Variants in TGFBR3 observed in about 807,000 individuals in gnomAD.
The protein encoded by TGFBR3 is transforming growth factor beta receptor 3.
In TGFBR3, 46 loss-of-function variants were observed where a neutral mutation model predicts 87.9. The observed-to-expected ratio is 0.52, with a 90% CI of 0.41 to 0.67. The LOEUF is 0.67. Among genes scored for constraint, TGFBR3 ranks in the 30% least tolerant of loss-of-function variants. TGFBR3 has a pLI of 0.00. For synonymous variants in TGFBR3, 381 were observed against 391.6 expected (o/e 0.97, Z 0.32); for missense variants, 866 against 1,041.9 (o/e 0.83, Z 2.32).
intron 12 of TGFBR3, among the ~76,000 whole-genome samples, chr1:91,713,981 G>C (rs1199408237): frequency 2.7e-5 from 4 of 150,744 alleles, no homozygotes; most frequent in Non-Finnish European, 5.9e-5. Flanking sequence ...TTGTAGCAGA[G>C]GGAAAAAATA....
At position 91,882,287 on chromosome 1, in the gene TGFBR3, C is replaced by T. The variant is rs1340654976; in HGVS notation, c.-114+3591G>A. On this transcript the variant is annotated intron_variant, in intron 1 of 16. Transcript: ENST00000212355. ...GAGTAGCTGTGATTACAGGTGTGCACCACCACGCTCAGCAAATTGTTGTAT... is the reference window on the plus strand; with the variant it reads ...GAGTAGCTGTGATTACAGGTGTGCATCACCACGCTCAGCAAATTGTTGTAT... Among the ~76,000 whole-genome samples the T allele has an allele frequency of 4.0e-5, 6 of 151,520 alleles. No individual in the cohort carries two copies. The South Asian group carries it at 6.3e-4, about 16-fold the overall frequency.
At chr1:91,821,720 A>G (rs1392614622) in intron 2 of TGFBR3, among the ~76,000 whole-genome samples, 3 of 152,188 alleles carry the variant, frequency 2.0e-5, no homozygotes, top group Non-Finnish European at 4.4e-5. Flanking sequence ...AGGATGCTGT[A>G]GAGAAAAGAC....
chr1:91,831,113 ACCATGCC>A (rs1384546934), intron 2 of TGFBR3, among the ~76,000 whole-genome samples: 14 of 152,196 alleles, frequency 9.2e-5, no homozygotes, highest in Non-Finnish European at 1.3e-4. Flanking sequence ...CACAACCTGC[ACCATGCC>A]CACCTGCCTG....
rs757760206 is a variant in TGFBR3 at position 91,683,697 on chromosome 1, AGCTGG to A, written c.*37_*41del. 4 of 1,478,468 alleles carry A rather than the reference AGCTGG, an allele frequency of 2.7e-6. No individual in the cohort carries two copies. The African/African-American group carries it at 4.2e-5, about 16-fold the overall frequency. 91.6% of individuals were successfully genotyped at this position (1,478,468 alleles called of 1,614,324 possible). A position where few individuals can be genotyped will look rare whatever the true frequency, so the allele number is the denominator to read the frequency against. On this transcript the variant is annotated 3_prime_UTR_variant, in exon 17 of 17. Coordinates refer to ENST00000212355, the MANE Select transcript of TGFBR3 (RefSeq NM_003243.5). Reference sequence around the variant, plus strand: ...CCTGCCCTTGGCAGTAGCTGAGCTGAGCTGGGCTGGGCTGGGTTGGGCCGGGTTGG... The same window carrying A: ...CCTGCCCTTGGCAGTAGCTGAGCTGAGCTGGGCTGGGTTGGGCCGGGTTGG...
intron 4 of TGFBR3, among the ~76,000 whole-genome samples, chr1:91,741,370 C>T (rs1673153828): frequency 1.3e-5 from 2 of 152,242 alleles, no homozygotes; most frequent in South Asian, 4.2e-4. Flanking sequence ...CTTCTGTGCC[C>T]TCTCGGAGAG....
intron 15 of TGFBR3, 126 bp downstream of exon 15, chr1:91,697,963 G>C (rs573206415): frequency 1.2e-5 from 10 of 865,796 alleles, no homozygotes; most frequent in Non-Finnish European, 2.0e-5. Context: ...AAAGGGGAAG[G>C]GGGAAGGGGG....
At chr1:91,813,147 A>G (rs780769504) in intron 2 of TGFBR3, among the ~76,000 whole-genome samples, 2 of 152,118 alleles carry the variant, frequency 1.3e-5, no homozygotes, top group African/African-American at 4.8e-5. Context: ...AAACGTTCTG[A>G]CTTCCTTCAT....
At chr1:91,689,067 C>T (rs1049399980) in intron 16 of TGFBR3, among the ~76,000 whole-genome samples, 7 of 152,160 alleles carry the variant, frequency 4.6e-5, no homozygotes, top group Non-Finnish European at 8.8e-5. Flanking sequence ...TGAATGCCTT[C>T]GGCTTTCCTG....
chr1:91,865,870 C>A (rs1183552779), intron 1 of TGFBR3, among the ~76,000 whole-genome samples: 1 of 150,622 alleles, frequency 6.6e-6, no homozygotes, highest in Non-Finnish European at 1.5e-5. Context: ...TGAGATCGCG[C>A]CACTGCACTC....
At chr1:91,870,261 T>C (rs900955724) in intron 1 of TGFBR3, among the ~76,000 whole-genome samples, 3 of 152,238 alleles carry the variant, frequency 2.0e-5, no homozygotes, top group Non-Finnish European at 4.4e-5. Flanking sequence ...CAAAAGAGAC[T>C]TCTGATTAAT....
intron 2 of TGFBR3, among the ~76,000 whole-genome samples, chr1:91,835,022 A>C (rs899804222): frequency 1.3e-5 from 2 of 152,156 alleles, no homozygotes; most frequent in Non-Finnish European, 2.9e-5. Flanking sequence ...TCCTCCAGGA[A>C]AGGACAAGTA....
chr1:91,745,656 C>T (rs189118274), intron 4 of TGFBR3, among the ~76,000 whole-genome samples: 8 of 152,358 alleles, frequency 5.3e-5, no homozygotes, highest in Admixed American at 4.6e-4. Context: ...GAAAATCACA[C>T]GTTCTCCCTA....
At position 91,681,106 on chromosome 1, in the gene TGFBR3, A is replaced by G; in HGVS notation, c.*2633T>C. ...AATAACAAAAGACTGCAGATACAAGAGTTCAGCTGAAATACAACAATACTT... is the reference window on the plus strand; with the variant it reads ...AATAACAAAAGACTGCAGATACAAGGGTTCAGCTGAAATACAACAATACTT... On this transcript the variant is annotated 3_prime_UTR_variant, in exon 17 of 17. Transcript: ENST00000212355. 1 of 454,144 alleles carries G rather than the reference A, an allele frequency of 2.2e-6. No individual in the cohort carries two copies. The highest frequency in any genetic ancestry group is 1.6e-5 in the South Asian group (1 of 64,478). 28.1% of individuals were successfully genotyped at this position (454,144 alleles called of 1,614,324 possible).
chr1:91,762,846 G>A (rs1445500957), intron 3 of TGFBR3, among the ~76,000 whole-genome samples: 2 of 152,250 alleles, frequency 1.3e-5, no homozygotes, highest in Non-Finnish European at 2.9e-5. Context: ...GATCTTCTGA[G>A]TGTTTTTCTG....
intron 12 of TGFBR3, among the ~76,000 whole-genome samples, chr1:91,714,541 C>G (rs894197978): frequency 2.0e-5 from 3 of 150,318 alleles, no homozygotes; most frequent in African/African-American, 7.4e-5. Flanking sequence ...AATGGGAAAA[C>G]AAGAATGGAA....
intron 2 of TGFBR3, among the ~76,000 whole-genome samples, chr1:91,894,282 A>G (rs1679508508): frequency 6.6e-6 from 1 of 151,912 alleles, no homozygotes; most frequent in African/African-American, 2.4e-5. Context: ...TCCTGTAGTA[A>G]TTCCCTCTTG....
At chr1:91,720,744 T>C (rs1420433878) in intron 8 of TGFBR3, among the ~76,000 whole-genome samples, 1 of 152,232 alleles carries the variant, frequency 6.6e-6, no homozygotes, top group Non-Finnish European at 1.5e-5. Flanking sequence ...CATGATGCAA[T>C]ATTATTCCAT....
At position 91,722,528 on chromosome 1, in the gene TGFBR3, G is replaced by A. The variant is rs929177515; in HGVS notation, c.886-384C>T. Among the ~76,000 whole-genome samples the A allele has an allele frequency of 6.6e-5, 10 of 151,864 alleles. No homozygotes were observed. The East Asian group carries it at 1.5e-3, about 23-fold the overall frequency. On this transcript the variant is annotated intron_variant, in intron 7 of 16. Coordinates refer to ENST00000212355, the MANE Select transcript of TGFBR3 (RefSeq NM_003243.5). Reference sequence around the variant, plus strand: ...TTTTTTACTTAAAATGACATATAAAGTATACAAACAGACATGTTATATTGC... The same window carrying A: ...TTTTTTACTTAAAATGACATATAAAATATACAAACAGACATGTTATATTGC...
At chr1:91,715,194 C>G (rs1460201258) in intron 12 of TGFBR3, among the ~76,000 whole-genome samples, 1 of 152,188 alleles carries the variant, frequency 6.6e-6, no homozygotes, top group Non-Finnish European at 1.5e-5. Context: ...AGGTTGTACC[C>G]AGGGCACAAG....
Sources: allele counts gnomAD v4.1 joint callset (sites outside exome capture counted in the v4.1 genomes callset), GRCh38; gene constraint gnomAD v4.1.1; transcripts MANE v1.5; gene names NCBI Gene and HGNC (gene_info 2026-07-23, HGNC 2026-07-21).